Variants in WWOX observed in about 807,000 individuals in gnomAD.
WWOX encodes WW domain-containing oxidoreductase.
A neutral mutation model predicts 46.2 loss-of-function variants in WWOX; 69 were observed. The observed-to-expected ratio is 1.49, with a 90% CI of 1.23 to 1.82. The LOEUF (loss-of-function observed/expected upper bound fraction) is 1.82. WWOX is among the 40% of genes most tolerant of loss of function. The pLI is 0.00. For missense variants in WWOX, 919 were observed against 542.6 expected, an observed-to-expected ratio of 1.69 and a Z score of -6.89; for synonymous variants, 359 against 202.6, an observed-to-expected ratio of 1.77 and a Z score of -6.56.
chr16:78,325,636 C>G (rs1484656189), intron 5 of WWOX, among the ~76,000 whole-genome samples: 1 of 152,176 alleles, frequency 6.6e-6, no homozygotes, highest in Non-Finnish European at 1.5e-5. Flanking sequence ...GTCAACCCGG[C>G]CTTCTCCGTT....
chr16:78,584,854 G>T (rs774755084), intron 8 of WWOX, among the ~76,000 whole-genome samples: 1 of 152,208 alleles, frequency 6.6e-6, no homozygotes, highest in Non-Finnish European at 1.5e-5. Flanking sequence ...ATTTGTGCAC[G>T]TCGGTGCGTG....
At chr16:79,136,252 G>A (rs1189813504) in intron 8 of WWOX, among the ~76,000 whole-genome samples, 2 of 147,738 alleles carry the variant, frequency 1.4e-5, no homozygotes, top group Non-Finnish European at 3.0e-5. Flanking sequence ...TTTTTTTTAA[G>A]ACGGAGTCTT....
At chr16:78,462,456 A>T (rs1208765193) in intron 8 of WWOX, among the ~76,000 whole-genome samples, 1 of 152,124 alleles carries the variant, frequency 6.6e-6, no homozygotes, top group African/African-American at 2.4e-5. Context: ...AGGAAACTGC[A>T]CTCACACTGC....
intron 8 of WWOX, among the ~76,000 whole-genome samples, chr16:78,589,327 G>A (rs1467192461): frequency 6.6e-6 from 1 of 152,184 alleles, no homozygotes; most frequent in Non-Finnish European, 1.5e-5. Context: ...CTCCTTGATG[G>A]GGGGACACAT....
intron 8 of WWOX, among the ~76,000 whole-genome samples, chr16:79,144,127 G>A (rs2050141481): frequency 6.6e-6 from 1 of 152,104 alleles, no homozygotes; most frequent in Admixed American, 6.5e-5. Flanking sequence ...TTGAACTCCT[G>A]GCCTCAAAGC....
intron 8 of WWOX, among the ~76,000 whole-genome samples, chr16:78,598,974 A>G (rs1388398055): frequency 6.6e-6 from 1 of 152,220 alleles, no homozygotes; most frequent in Non-Finnish European, 1.5e-5. Context: ...GCACTTAGGC[A>G]ACCAGTAAGT....
At chr16:78,605,924 C>G (rs182405574) in intron 8 of WWOX, among the ~76,000 whole-genome samples, 1 of 152,302 alleles carries the variant, frequency 6.6e-6, no homozygotes, top group East Asian at 1.9e-4. Flanking sequence ...GAGCAAGAAG[C>G]TGAAACATGC....
chr16:78,414,869 C>T (rs1209889075), intron 6 of WWOX, among the ~76,000 whole-genome samples: 3 of 151,978 alleles, frequency 2.0e-5, no homozygotes, highest in African/African-American at 7.2e-5. Context: ...TAACCAGTTA[C>T]CGGAAACGGG....
intron 8 of WWOX, among the ~76,000 whole-genome samples, chr16:78,798,608 A>G (rs1441153278): frequency 7.6e-6 from 1 of 131,660 alleles, no homozygotes; most frequent in South Asian, 2.3e-4. Context: ...TTTTTTTTTT[A>G]AGAGATTTAC....
intron 8 of WWOX, among the ~76,000 whole-genome samples, chr16:78,484,967 C>T (rs1223664860): frequency 2.0e-5 from 3 of 152,092 alleles, no homozygotes; most frequent in African/African-American, 7.2e-5. Flanking sequence ...AAGGCACGCT[C>T]TGCTCTGCCC....
intron 8 of WWOX, among the ~76,000 whole-genome samples, chr16:79,062,329 T>A (rs2048370534): frequency 6.6e-6 from 1 of 152,208 alleles, no homozygotes; most frequent in South Asian, 2.1e-4. Flanking sequence ...TTAATTATCT[T>A]CAGTTGGATG....
intron 8 of WWOX, among the ~76,000 whole-genome samples, chr16:78,995,970 G>A (rs2046980518): frequency 1.3e-5 from 2 of 152,140 alleles, no homozygotes; most frequent in African/African-American, 4.8e-5. Context: ...AAGTTGCAGG[G>A]AAGTAGAGGC....
chr16:78,112,182 A>C (rs2032530416), intron 3 of WWOX, among the ~76,000 whole-genome samples: 1 of 152,232 alleles, frequency 6.6e-6, no homozygotes, highest in Non-Finnish European at 1.5e-5. Flanking sequence ...GAGCAAACAC[A>C]GTATTTTCAA....
intron 8 of WWOX, among the ~76,000 whole-genome samples, chr16:79,136,507 G>A (rs1268472277): frequency 1.3e-5 from 2 of 152,136 alleles, no homozygotes; most frequent in East Asian, 1.9e-4. Context: ...GGGATTACAG[G>A]CGTGAGCTAC....
At chr16:78,375,852 A>ATT (rs11312205) in intron 5 of WWOX, among the ~76,000 whole-genome samples, 1 of 129,282 alleles carries the variant, frequency 7.7e-6, no homozygotes, top group African/African-American at 2.8e-5. Context: ...CATGTATAGG[A>ATT]TTTTTTTTTT....
intron 8 of WWOX, among the ~76,000 whole-genome samples, chr16:78,613,859 T>TA (rs2151634082): frequency 6.6e-6 from 1 of 152,334 alleles, no homozygotes; most frequent in Admixed American, 6.5e-5. Flanking sequence ...TTCTGTGTAT[T>TA]ACAGGGGTCA....
chr16:78,625,186 G>T lies in WWOX; in HGVS notation c.1056+192434G>T, dbSNP rs116042849. 8.4e-3 allele frequency among the ~76,000 whole-genome samples: 1,276 copies of T among 152,310 alleles called. 17 individuals are homozygous for T. The highest frequency in any genetic ancestry group is 0.028 in the African/African-American group (1,167 of 41,566). ...CGCTGAGGGATCCTTTGACAACTCA[G>T]CTTCATGAGGACAGCTGCAGTTCTG... On this transcript the variant is annotated intron_variant, in intron 8 of 8. Coordinates refer to ENST00000566780, the MANE Select transcript of WWOX (RefSeq NM_016373.4).
chr16:78,662,657 G>T (rs1035638939), intron 8 of WWOX, among the ~76,000 whole-genome samples: 4 of 152,120 alleles, frequency 2.6e-5, no homozygotes, highest in African/African-American at 9.7e-5. Context: ...TCATCATTTT[G>T]CTTTCTTTGG....
At chr16:78,636,201 T>C (rs2046565152) in intron 8 of WWOX, among the ~76,000 whole-genome samples, 1 of 152,116 alleles carries the variant, frequency 6.6e-6, no homozygotes, top group Non-Finnish European at 1.5e-5. Flanking sequence ...GGACTAGACA[T>C]ATTAGAGACC....
Sources: gnomAD v4.1 joint callset for allele counts (sites outside exome capture counted in the v4.1 genomes callset) on GRCh38, gnomAD v4.1.1 for gene constraint, MANE v1.5 for transcripts, NCBI Gene and HGNC (gene_info 2026-07-23, HGNC 2026-07-21) for gene names.